Variants in FDFT1 observed in about 807,000 individuals in gnomAD.
The protein encoded by FDFT1 is farnesyl-diphosphate farnesyltransferase 1.
A neutral mutation model predicts 46.8 loss-of-function variants in FDFT1; 68 were observed. The ratio of observed to expected loss-of-function variants is 1.45; its 90% CI spans 1.19 to 1.78. The LOEUF (loss-of-function observed/expected upper bound fraction) is 1.78. Among genes scored for constraint, FDFT1 ranks in the 40% most tolerant of loss-of-function variants. The pLI is 0.00. For missense variants in FDFT1, 928 were observed against 524.4 expected (o/e 1.77, Z -7.52); for synonymous variants, 351 against 185.1 (o/e 1.90, Z -7.28).
chr8:11,803,553 C>A, intron 1 of FDFT1: 1 of 1,072,928 alleles, frequency 9.3e-7, no homozygotes, highest in Non-Finnish European at 1.2e-6. Context: ...TTTTATCTGC[C>A]TCATGCCTGT....
At chr8:11,816,092 C>T (rs117849877) in intron 3 of FDFT1, among the ~76,000 whole-genome samples, 1 of 152,178 alleles carries the variant, frequency 6.6e-6, no homozygotes, top group African/African-American at 2.4e-5. Context: ...ATATGGCAAG[C>T]CAGGTTTCCC....
At chr8:11,807,564 C>CCCTG (rs1321852514) in intron 1 of FDFT1, among the ~76,000 whole-genome samples, 28 of 145,224 alleles carry the variant, frequency 1.9e-4, no homozygotes, top group African/African-American at 6.8e-4. Flanking sequence ...ATTTTCCACT[C>CCCTG]CCTGTGGGCC....
intron 3 of FDFT1, among the ~76,000 whole-genome samples, chr8:11,811,955 T>C (rs1356626920): frequency 5.9e-5 from 9 of 152,230 alleles, no homozygotes; most frequent in Admixed American, 2.0e-4. Context: ...TGTGCTGATA[T>C]AGCTCAGTAT....
At chr8:11,803,128 C>A in intron 1 of FDFT1, 197 bp downstream of exon 1, 2 of 1,430,998 alleles carry the variant, frequency 1.4e-6, no homozygotes, top group Non-Finnish European at 1.8e-6. Flanking sequence ...TGACCTGTCC[C>A]TGCCCCCGCA....
At chr8:11,808,291 G>T in intron 1 of FDFT1, 1 of 1,224,768 alleles carries the variant, frequency 8.2e-7, no homozygotes, top group Non-Finnish European at 1.0e-6. Context: ...AAGTGCGCTG[G>T]GTTCCCTTAG....
intron 5 of FDFT1, among the ~76,000 whole-genome samples, chr8:11,829,878 C>T (rs1305902079): frequency 6.6e-6 from 1 of 151,822 alleles, no homozygotes; most frequent in East Asian, 1.9e-4. Context: ...GACGGAGTCT[C>T]ACTCTTTCAC....
At position 11,802,746 on chromosome 8, in the gene FDFT1, A is replaced by G; in HGVS notation, c.-87A>G. The G allele has an allele frequency of 2.0e-6, 2 of 1,024,922 alleles. No homozygotes were observed. The highest frequency in any genetic ancestry group is 3.0e-6 in the Non-Finnish European group (2 of 670,854). The allele number at this position is 1,024,922 out of a possible 1,614,324, so 63.5% of individuals were successfully genotyped here. ...CCCTGTCCGGCCAGCCCCTCGAAGC[A>G]CCTACTCCACAGGTCCAGCCGGCCG... is the stretch of plus-strand genomic sequence containing the variant. On this transcript the variant is annotated 5_prime_UTR_variant, in exon 1 of 8. Transcript: ENST00000220584.
intron 3 of FDFT1, among the ~76,000 whole-genome samples, chr8:11,812,749 T>G (rs145974778): frequency 6.6e-6 from 1 of 152,238 alleles, no homozygotes; most frequent in African/African-American, 2.4e-5. Context: ...AATACAGTGT[T>G]CTAACCCAGT....
rs1585883050 is a variant in FDFT1 at position 11,809,656 on chromosome 8, C to G, written c.198-11C>G. ...TGTTCCAATATATTAATAGTTTTCC[C>G]TTTTTTACAGCAACGCAGTGTGCAT... On this transcript the variant is annotated splice_polypyrimidine_tract_variant and intron_variant, in intron 2 of 7. Coordinates refer to ENST00000220584, the MANE Select transcript of FDFT1 (RefSeq NM_004462.5). 3.8e-6 allele frequency: 6 copies of G among 1,579,586 alleles called. No homozygotes were observed. The highest frequency in any genetic ancestry group is 5.1e-6 in the Non-Finnish European group (6 of 1,165,258).
upstream of FDFT1, among the ~76,000 whole-genome samples, chr8:11,799,073 C>A (rs1221719677): frequency 6.6e-6 from 1 of 152,180 alleles, no homozygotes; most frequent in East Asian, 1.9e-4. Context: ...ACACATTGAA[C>A]AAACATGTAT....
intron 7 of FDFT1, among the ~76,000 whole-genome samples, chr8:11,832,560 A>AAAAAAAAAAAC (rs1398518784): frequency 6.8e-6 from 1 of 146,932 alleles, no homozygotes; most frequent in Non-Finnish European, 1.5e-5. Flanking sequence ...TCAAAAAAAA[A>AAAAAAAAAAAC]AAAAAAAAAA....
chr8:11,819,300 G>T (rs191297665), intron 3 of FDFT1, among the ~76,000 whole-genome samples: 60 of 152,176 alleles, frequency 3.9e-4, no homozygotes, highest in African/African-American at 1.2e-3. Flanking sequence ...TCATTTCAAC[G>T]TTGGTGAATC....
chr8:11,830,238 G>C lies in FDFT1; in HGVS notation c.703-6G>C. ...GACCTGTTCCTTAATCTTCTTATCT[G>C]TCTAGGTTTGGAGCAGGTATGTTAA... is the stretch of plus-strand genomic sequence containing the variant. On this transcript the variant is annotated splice_polypyrimidine_tract_variant and splice_region_variant and intron_variant, in intron 5 of 7. Coordinates refer to ENST00000220584, the MANE Select transcript of FDFT1 (RefSeq NM_004462.5). 5 of 1,611,472 alleles carry C rather than the reference G, an allele frequency of 3.1e-6. No individual in the cohort carries two copies. Among genetic ancestry groups the C allele is most frequent in the South Asian group, 1.1e-5 (1 of 91,026 alleles).
chr8:11,801,793 A>T (rs371474597), upstream of FDFT1: 4 of 365,374 alleles, frequency 1.1e-5, no homozygotes, highest in African/African-American at 8.6e-5. Context: ...TCCCGGGTTC[A>T]AGTGATTCTC....
At chr8:11,795,645 A>T (rs67192535) in exon 1 of FDFT1, 24,640 of 151,786 alleles carry the variant, frequency 0.16, 2,123 homozygotes, top group Middle Eastern at 0.23. Flanking sequence ...AAATTTTAAT[A>T]CTTGTCTGTT....
chr8:11,805,494 A>C (rs1043195112), intron 1 of FDFT1, among the ~76,000 whole-genome samples: 2 of 152,178 alleles, frequency 1.3e-5, no homozygotes, highest in Admixed American at 1.3e-4. Flanking sequence ...CTAATATCTT[A>C]AGTCTGTTAT....
At chr8:11,799,219 C>G (rs1190866993), upstream of FDFT1, among the ~76,000 whole-genome samples, 1 of 152,176 alleles carries the variant, frequency 6.6e-6, no homozygotes, top group Non-Finnish European at 1.5e-5. Context: ...CTGGCCAGAC[C>G]AGTCCACGGT....
Position 11,810,484 on chromosome 8 carries a change from T to C in FDFT1, c.381+634T>C, listed in dbSNP as rs1807557189. Reference sequence around the variant, plus strand: ...TCTGCTTTGTGTCTCCGTCTCCTCGTTTGTAAAGTTAGAGCTGAGAGGATT... The same window carrying C: ...TCTGCTTTGTGTCTCCGTCTCCTCGCTTGTAAAGTTAGAGCTGAGAGGATT... On this transcript the variant is annotated intron_variant, in intron 3 of 7. Coordinates refer to ENST00000220584, the MANE Select transcript of FDFT1 (RefSeq NM_004462.5). Among the ~76,000 whole-genome samples the C allele has an allele frequency of 6.6e-5, 10 of 152,286 alleles. 1 individual carries two copies. The South Asian group carries it at 2.1e-3, about 32-fold the overall frequency.
At chr8:11,821,601 AC>A in intron 3 of FDFT1, 148 bp from the exon 4 acceptor site, 1 of 922,666 alleles carries the variant, frequency 1.1e-6, no homozygotes, top group Non-Finnish European at 1.6e-6. Context: ...AAAAACAAAA[AC>A]AAAAACAAAA....
Sources: allele counts gnomAD v4.1 joint callset (sites outside exome capture counted in the v4.1 genomes callset), GRCh38; gene constraint gnomAD v4.1.1; transcripts MANE v1.5; gene names NCBI Gene and HGNC (gene_info 2026-07-23, HGNC 2026-07-21).